STXBP5: variants seen among roughly 807,000 people sequenced by gnomAD.
STXBP5 encodes the protein syntaxin-binding protein 5.
A neutral mutation model predicts 152.4 loss-of-function variants in STXBP5; 50 were observed. The observed-to-expected ratio is 0.33, with a 90% CI of 0.26 to 0.42. STXBP5 has a LOEUF of 0.42. STXBP5 is among the 10% of genes least tolerant of loss of function. STXBP5 has a pLI of 1.00. For synonymous variants in STXBP5, 492 were observed against 494.7 expected (o/e 0.99, Z 0.07); for missense variants, 1,167 against 1,388.6 (o/e 0.84, Z 2.54).
intron 2 of STXBP5, among the ~76,000 whole-genome samples, chr6:147,219,633 TGGTC>T (rs1331499396): frequency 6.6e-5 from 10 of 152,220 alleles, no homozygotes; most frequent in African/African-American, 2.4e-4. Flanking sequence ...TTTAAGGAGT[TGGTC>T]GGTCCATTTC....
At chr6:147,296,411 A>G (rs1217919077) in intron 9 of STXBP5, among the ~76,000 whole-genome samples, 1 of 152,186 alleles carries the variant, frequency 6.6e-6, no homozygotes. Context: ...CATGGAGACT[A>G]CATCATGTCT....
chr6:147,304,970 A>G (rs572145423), intron 9 of STXBP5, among the ~76,000 whole-genome samples: 1 of 152,266 alleles, frequency 6.6e-6, no homozygotes, highest in South Asian at 2.1e-4. Context: ...GTGAGGGGGT[A>G]TGAGGCTTGG....
At chr6:147,316,098 G>T (rs752869990) in intron 15 of STXBP5, 131 bp from the exon 16 acceptor site, 4 of 899,054 alleles carry the variant, frequency 4.4e-6, no homozygotes, top group Non-Finnish European at 4.9e-6. Context: ...TTGAAATCTT[G>T]CTAAATTTTT....
intron 9 of STXBP5, among the ~76,000 whole-genome samples, chr6:147,305,844 A>G (rs1782063339): frequency 6.6e-6 from 1 of 152,178 alleles, no homozygotes; most frequent in African/African-American, 2.4e-5. Flanking sequence ...AATTCTGCTT[A>G]CCAAACATAT....
At chr6:147,218,345 T>C (rs768462840) in intron 2 of STXBP5, among the ~76,000 whole-genome samples, 2 of 121,264 alleles carry the variant, frequency 1.6e-5, no homozygotes, top group Admixed American at 1.6e-4. Flanking sequence ...GTAGATCTTG[T>C]ACATATTTGT....
chr6:147,293,606 C>T (rs1254070745), intron 9 of STXBP5, among the ~76,000 whole-genome samples: 1 of 152,130 alleles, frequency 6.6e-6, no homozygotes, highest in East Asian at 1.9e-4. Flanking sequence ...AAAAAGCCAT[C>T]CTTTTATTCT....
chr6:147,304,310 G>A (rs549720803), intron 9 of STXBP5, among the ~76,000 whole-genome samples: 1 of 152,296 alleles, frequency 6.6e-6, no homozygotes, highest in South Asian at 2.1e-4. Flanking sequence ...TTGCTTCAGA[G>A]GGTGCAAGCC....
chr6:147,371,808 C>T (rs1159723144), intron 25 of STXBP5, among the ~76,000 whole-genome samples: 1 of 152,088 alleles, frequency 6.6e-6, no homozygotes, highest in Non-Finnish European at 1.5e-5. Flanking sequence ...TTTTAAAAAG[C>T]ATACCTTTAA....
intron 9 of STXBP5, among the ~76,000 whole-genome samples, chr6:147,303,134 A>C (rs1781911854): frequency 6.6e-6 from 1 of 152,022 alleles, no homozygotes; most frequent in African/African-American, 2.4e-5. Context: ...TCAGTATAGG[A>C]TGATTTTTGT....
intron 4 of STXBP5, among the ~76,000 whole-genome samples, chr6:147,245,377 A>T (rs1778761277): frequency 6.6e-6 from 1 of 152,192 alleles, no homozygotes; most frequent in Non-Finnish European, 1.5e-5. Context: ...ACAATTTTAA[A>T]TATCCTCCTT....
chr6:147,253,029 A>G (rs953241894), intron 4 of STXBP5, among the ~76,000 whole-genome samples: 3 of 152,214 alleles, frequency 2.0e-5, no homozygotes, highest in Non-Finnish European at 2.9e-5. Flanking sequence ...TCAAGACAGC[A>G]TGCCTGATGA....
At chr6:147,327,733 C>T (rs182984051) in intron 18 of STXBP5, among the ~76,000 whole-genome samples, 1 of 152,314 alleles carries the variant, frequency 6.6e-6, no homozygotes, top group East Asian at 1.9e-4. Flanking sequence ...TGAGGCACCA[C>T]ACCCAGCCTG....
intron 4 of STXBP5, among the ~76,000 whole-genome samples, chr6:147,257,799 T>C (rs907707755): frequency 2.0e-5 from 3 of 152,212 alleles, no homozygotes; most frequent in African/African-American, 7.2e-5. Flanking sequence ...TATTTCTGCA[T>C]AGAAGAACAA....
Position 147,247,968 on chromosome 6 carries a change from C to T in STXBP5, c.431+8698C>T, listed in dbSNP as rs188288214. Among the ~76,000 whole-genome samples, 11 of 151,866 alleles carry T rather than the reference C, an allele frequency of 7.2e-5. No individual in the cohort carries two copies. The East Asian group carries it at 1.5e-3, about 21-fold the overall frequency. On this transcript the variant is annotated intron_variant, in intron 4 of 27. Coordinates refer to ENST00000321680, the MANE Select transcript of STXBP5 (RefSeq NM_001127715.4). ...GAAGGAGGAGGTATATAACCAAAGG[C>T]GAATATAAGAAGAGTACTTAGCTCA...
chr6:147,300,869 T>C (rs1781775081), intron 9 of STXBP5, among the ~76,000 whole-genome samples: 1 of 151,828 alleles, frequency 6.6e-6, no homozygotes, highest in Admixed American at 6.6e-5. Context: ...GAAGAGACAG[T>C]CTACAGAATG....
chr6:147,207,013 T>C (rs888349955), intron 2 of STXBP5, among the ~76,000 whole-genome samples: 3 of 151,900 alleles, frequency 2.0e-5, no homozygotes, highest in Non-Finnish European at 2.9e-5. Flanking sequence ...AAAAAATCAC[T>C]AGATGATTTC....
intron 6 of STXBP5, among the ~76,000 whole-genome samples, chr6:147,265,437 A>C (rs117403343): frequency 0.017 from 2,613 of 152,238 alleles, 35 homozygotes; most frequent in Non-Finnish European, 0.027. Flanking sequence ...ACTATGTATT[A>C]GGAAGTGTAT....
chr6:147,311,466 C>A lies in STXBP5; in HGVS notation c.1084C>A (p.Pro362Thr), dbSNP rs1207035601. 6.2e-7 allele frequency: 1 copy of A among 1,612,008 alleles called. No homozygotes were observed. Among genetic ancestry groups the A allele is most frequent in the Non-Finnish European group, 8.5e-7 (1 of 1,179,076 alleles). Reference sequence around the variant, plus strand: ...TTGTCCAATTCCAGATTTTCAAGAACCATATGCTGTGGTTGTTCTTCTAGA... The same window carrying A: ...TTGTCCAATTCCAGATTTTCAAGAAACATATGCTGTGGTTGTTCTTCTAGA... ...ETPYPNDFQEPYAVVVLLEKD... is the reference protein window; with the variant it reads ...ETPYPNDFQETYAVVVLLEKD... The change falls in exon 11 of 28, where the codon CCA becomes ACA. Residue 362 changes from proline to threonine, a missense_variant. Around this residue, in one of 3 missense-constraint regions of STXBP5, gnomAD observed 833 missense variants for 986.3 expected, o/e 0.84. Transcript: ENST00000321680.
At chr6:147,317,920 C>T (rs925889245) in intron 16 of STXBP5, among the ~76,000 whole-genome samples, 19 of 152,174 alleles carry the variant, frequency 1.2e-4, no homozygotes, top group African/African-American at 3.1e-4. Flanking sequence ...TTATGACATA[C>T]GTAGTACAAT....
Sources: allele counts gnomAD v4.1 joint callset (sites outside exome capture counted in the v4.1 genomes callset), GRCh38; gene constraint gnomAD v4.1.1; regional missense constraint gnomAD v4.1.1; transcripts MANE v1.5; gene names NCBI Gene and HGNC (gene_info 2026-07-23, HGNC 2026-07-21).